PREX1: variants seen among roughly 807,000 people sequenced by gnomAD.
The protein encoded by PREX1 is phosphatidylinositol 3,4,5-trisphosphate-dependent Rac exchanger 1 protein.
In PREX1, 41 loss-of-function variants were observed where a neutral mutation model predicts 198.3. The ratio of observed to expected loss-of-function variants is 0.21; its 90% CI spans 0.16 to 0.27. PREX1 has a LOEUF of 0.27. PREX1 is among the 10% of genes least tolerant of loss of function. The pLI is 1.00. For missense variants in PREX1, 1,620 were observed against 2,200.7 expected (o/e 0.74, Z 5.28); for synonymous variants, 843 against 887.2 (o/e 0.95, Z 0.89).
At chr20:48,819,972 T>C (rs533135470) in intron 1 of PREX1, among the ~76,000 whole-genome samples, 27 of 152,302 alleles carry the variant, frequency 1.8e-4, no homozygotes, top group Admixed American at 1.7e-3. Flanking sequence ...CACAAGACCC[T>C]GGGTCCTGAC....
At chr20:48,877,921 C>T in the PREX1 span, among the ~76,000 whole-genome samples, 1 of 152,128 alleles carries the variant, frequency 6.6e-6, no homozygotes, top group Admixed American at 6.5e-5. Context: ...CCAGCCTGGC[C>T]AACATGGCGA....
chr20:48,780,608 C>T (rs1227257629), intron 1 of PREX1, among the ~76,000 whole-genome samples: 1 of 152,082 alleles, frequency 6.6e-6, no homozygotes, highest in Non-Finnish European at 1.5e-5. Context: ...AATGACAATA[C>T]TGGTTTATGA....
chr20:48,679,486 G>C, intron 12 of PREX1, 77 bp from the exon 13 acceptor site: 1 of 1,500,486 alleles, frequency 6.7e-7, no homozygotes, highest in South Asian at 1.1e-5. Flanking sequence ...TGATGGGAGA[G>C]ATGGCTTCCA....
intron 10 of PREX1, among the ~76,000 whole-genome samples, chr20:48,686,516 T>C (rs1019274750): frequency 1.3e-5 from 2 of 152,302 alleles, no homozygotes; most frequent in Non-Finnish European, 2.9e-5. Flanking sequence ...GGCTGCCTCA[T>C]CGGTCCGGAC....
chr20:48,882,501 CAAAA>C, the PREX1 span, among the ~76,000 whole-genome samples: 329 of 66,868 alleles, frequency 4.9e-3, 1 homozygote, highest in African/African-American at 0.017. Context: ...GACTCCGTCT[CAAAA>C]AAAAAAAAAA....
chr20:48,777,043 T>C (rs1329195940), intron 1 of PREX1, among the ~76,000 whole-genome samples: 1 of 152,154 alleles, frequency 6.6e-6, no homozygotes, highest in East Asian at 1.9e-4. Context: ...ATTCCACTCA[T>C]CAATATGAAT....
At chr20:48,856,005 A>T in the PREX1 span, among the ~76,000 whole-genome samples, 4 of 152,226 alleles carry the variant, frequency 2.6e-5, no homozygotes, top group African/African-American at 9.6e-5. Context: ...GTGACGAGGG[A>T]GCGGCTGTTA....
intron 1 of PREX1, among the ~76,000 whole-genome samples, chr20:48,751,865 T>C (rs548227086): frequency 2.0e-5 from 3 of 152,284 alleles, no homozygotes; most frequent in South Asian, 4.1e-4. Flanking sequence ...CAGAAAAGAA[T>C]AGAGAGAAAC....
intron 3 of PREX1, among the ~76,000 whole-genome samples, chr20:48,742,467 AG>A (rs2090086645): frequency 2.0e-5 from 3 of 152,182 alleles, no homozygotes; most frequent in Admixed American, 1.3e-4. Context: ...GCAAGGAAGT[AG>A]CAGAGCTAGG....
rs1393153145 is a variant in PREX1 at position 48,636,637 on chromosome 20, C to A, written c.3993G>T (p.Leu1331=). ...LRRDAIFCQA[L]VAAVCTFSKQ... Reference sequence around the variant, plus strand: ...TGGAGAAGGTGCACACGGCGGCCACCAGGGCCTGGCAGAAGATCGCGTCTC... The same window carrying A: ...TGGAGAAGGTGCACACGGCGGCCACAAGGGCCTGGCAGAAGATCGCGTCTC... Residue 1331 remains leucine, a synonymous_variant, in exon 32 of 40, where the codon CTG becomes CTT. Coordinates refer to ENST00000371941, the MANE Select transcript of PREX1 (RefSeq NM_020820.4). The A allele has an allele frequency of 6.2e-7, 1 of 1,611,046 alleles. No individual in the cohort carries two copies. The highest frequency in any genetic ancestry group is 1.7e-5 in the Admixed American group (1 of 59,896).
chr20:48,656,316 C>T (rs2122920793), intron 18 of PREX1, among the ~76,000 whole-genome samples: 1 of 152,248 alleles, frequency 6.6e-6, no homozygotes, highest in Middle Eastern at 3.4e-3. Context: ...TCCTCAGCTC[C>T]CCCGAGAGCC....
At chr20:48,697,537 C>A (rs1157141795) in intron 7 of PREX1, among the ~76,000 whole-genome samples, 1 of 152,066 alleles carries the variant, frequency 6.6e-6, no homozygotes, top group African/African-American at 2.4e-5. Context: ...TGTGCCACCA[C>A]ACCTGGCTAA....
chr20:48,764,177 T>A (rs968908522), intron 1 of PREX1, among the ~76,000 whole-genome samples: 1 of 152,186 alleles, frequency 6.6e-6, no homozygotes, highest in Non-Finnish European at 1.5e-5. Context: ...AAGAAACTTC[T>A]GTCCCTGGAG....
Position 48,644,591 on chromosome 20 carries a change from C to G in PREX1, c.3513-94G>C, listed in dbSNP as rs1038871716. 12 of 1,120,550 alleles carry G rather than the reference C, an allele frequency of 1.1e-5. No individual in the cohort carries two copies. The East Asian group carries it at 3.1e-4, about 29-fold the overall frequency. The allele number at this position is 1,120,550 out of a possible 1,614,324, so 69.4% of individuals were successfully genotyped here. A position where few individuals can be genotyped will look rare whatever the true frequency, so the allele number is the denominator to read the frequency against. On this transcript the variant is annotated intron_variant, in intron 26 of 39. Coordinates refer to ENST00000371941, the MANE Select transcript of PREX1 (RefSeq NM_020820.4). ...CCCACTTTCTACAGTGTAGACAAAA[C>G]CCCTGGGCCCTCAGGTGGGCGTGCA...
chr20:48,669,900 G>A (rs754447216), intron 14 of PREX1, among the ~76,000 whole-genome samples: 6 of 152,274 alleles, frequency 3.9e-5, no homozygotes, highest in Admixed American at 1.3e-4. Flanking sequence ...CAGTTACACA[G>A]GACCCCAGAC....
chr20:48,704,394 T>C (rs6095248), intron 6 of PREX1, among the ~76,000 whole-genome samples: 86,571 of 152,110 alleles, frequency 0.57, 26,510 homozygotes, highest in African/African-American at 0.8. Flanking sequence ...AGCTTTTGTA[T>C]TGATTTTGTT....
At chr20:48,753,027 C>A (rs1173120798) in intron 1 of PREX1, among the ~76,000 whole-genome samples, 1 of 152,108 alleles carries the variant, frequency 6.6e-6, no homozygotes, top group Non-Finnish European at 1.5e-5. Context: ...CGAGCCCAGG[C>A]GTTCAAGTTC....
chr20:48,743,827 T>TA (rs992730607), intron 3 of PREX1, among the ~76,000 whole-genome samples: 3 of 152,200 alleles, frequency 2.0e-5, no homozygotes, highest in African/African-American at 7.2e-5. Flanking sequence ...CACTTTCACG[T>TA]AGAGAGTGGC....
chr20:48,878,409 G>A, the PREX1 span, among the ~76,000 whole-genome samples: 4 of 151,476 alleles, frequency 2.6e-5, no homozygotes, highest in Non-Finnish European at 4.4e-5. Context: ...GCACGATCTC[G>A]GCTCACTGAA....
Sources: allele counts gnomAD v4.1 joint callset (sites outside exome capture counted in the v4.1 genomes callset), GRCh38; gene constraint gnomAD v4.1.1; transcripts MANE v1.5; gene names NCBI Gene and HGNC (gene_info 2026-07-23, HGNC 2026-07-21).